SF3A3: variants seen among roughly 807,000 people sequenced by gnomAD.
SF3A3 encodes the protein SAP 61.
SF3A3 carries 9 observed loss-of-function variants against 85.8 expected under a neutral mutation model. The observed-to-expected ratio is 0.10, with a 90% CI of 0.06 to 0.18. The LOEUF (loss-of-function observed/expected upper bound fraction) is 0.18. SF3A3 is among the 10% of genes least tolerant of loss of function. SF3A3 has a pLI of 1.00. For synonymous variants in SF3A3, 195 were observed against 204.4 expected, an observed-to-expected ratio of 0.95 and a Z score of 0.39; for missense variants, 306 against 593.3, an observed-to-expected ratio of 0.52 and a Z score of 5.03.
chr1:37,977,600 A>C (rs1646387331), intron 11 of SF3A3, among the ~76,000 whole-genome samples: 1 of 152,112 alleles, frequency 6.6e-6, no homozygotes, highest in Admixed American at 6.6e-5. Context: ...CCACTGTGGG[A>C]GGCTGAGGCA....
At chr1:37,962,419 C>A (rs997486261) in intron 15 of SF3A3, among the ~76,000 whole-genome samples, 1 of 145,838 alleles carries the variant, frequency 6.9e-6, no homozygotes, top group African/African-American at 2.5e-5. Context: ...ACCTGACCAA[C>A]ATGGAGAAAC....
intron 9 of SF3A3, 33 bp downstream of exon 9, chr1:37,979,432 G>A: frequency 6.6e-7 from 1 of 1,520,022 alleles, no homozygotes; most frequent in Non-Finnish European, 9.1e-7. Context: ...AAAATAGACA[G>A]AGAGAACACT....
intron 6 of SF3A3, among the ~76,000 whole-genome samples, chr1:37,982,708 C>G (rs981450377): frequency 6.6e-6 from 1 of 152,040 alleles, no homozygotes; most frequent in Non-Finnish European, 1.5e-5. Context: ...TAAGAAAAGA[C>G]ATTAAATACC....
intron 12 of SF3A3, among the ~76,000 whole-genome samples, chr1:37,973,575 G>C (rs1033389078): frequency 8.5e-5 from 13 of 152,182 alleles, no homozygotes; most frequent in Admixed American, 2.0e-4. Context: ...AAAAAGTCAG[G>C]AAACAACAGG....
chr1:37,965,512 C>T (rs780807094), intron 15 of SF3A3, among the ~76,000 whole-genome samples: 1 of 151,858 alleles, frequency 6.6e-6, no homozygotes, highest in Non-Finnish European at 1.5e-5. Flanking sequence ...CCAGCACTTT[C>T]GGAGGCTGAG....
At chr1:37,962,838 C>T (rs1464716961) in intron 15 of SF3A3, among the ~76,000 whole-genome samples, 1 of 150,420 alleles carries the variant, frequency 6.6e-6, no homozygotes. Flanking sequence ...GTAATCCTAG[C>T]ACTTTGGGAA....
At position 37,957,995 on chromosome 1, in the gene SF3A3, T is replaced by G; in HGVS notation, c.*191A>C. 1.8e-6 allele frequency: 1 copy of G among 559,812 alleles called. No individual in the cohort carries two copies. The highest frequency in any genetic ancestry group is 3.2e-6 in the Non-Finnish European group (1 of 314,312). The allele number at this position is 559,812 out of a possible 1,614,324, so 34.7% of individuals were successfully genotyped here. A position where few individuals can be genotyped will look rare whatever the true frequency, so the allele number is the denominator to read the frequency against. On this transcript the variant is annotated 3_prime_UTR_variant, in exon 17 of 17. Coordinates refer to ENST00000373019, the MANE Select transcript of SF3A3 (RefSeq NM_006802.4). Reference sequence around the variant, plus strand: ...TGGTTTTATTTTCTGGCAGAATCTTTTAAAATATAAAACAGATAAAACACA... The same window carrying G: ...TGGTTTTATTTTCTGGCAGAATCTTGTAAAATATAAAACAGATAAAACACA...
At position 37,969,473 on chromosome 1, in the gene SF3A3, GA is replaced by G; in HGVS notation, c.1171-10del. The G allele has an allele frequency of 6.2e-7, 1 of 1,612,794 alleles. No individual in the cohort carries two copies. The highest frequency in any genetic ancestry group is 1.1e-5 in the South Asian group (1 of 91,054). ...AGCCAGTAGGGAATAGGCTAAAAAA[GA>G]AAAAAACAAAACAAAACCAAGAAGT... is the stretch of plus-strand genomic sequence containing the variant. On this transcript the variant is annotated splice_polypyrimidine_tract_variant and intron_variant, in intron 13 of 16. Coordinates refer to ENST00000373019, the MANE Select transcript of SF3A3 (RefSeq NM_006802.4).
At chr1:37,984,666 T>C in intron 5 of SF3A3, 41 bp downstream of exon 5, 2 of 1,296,544 alleles carry the variant, frequency 1.5e-6, no homozygotes, top group Non-Finnish European at 2.2e-6. Context: ...CATTAACCTG[T>C]ATTTTTGCTG....
chr1:37,987,610 T>A lies in SF3A3; in HGVS notation c.266A>T (p.Lys89Met), dbSNP rs777670809. The change falls in exon 4 of 17, where the codon AAG becomes ATG. Residue 89 changes from lysine (K) to methionine (M), a missense_variant. Coordinates refer to ENST00000373019, the MANE Select transcript of SF3A3 (RefSeq NM_006802.4). ...NEFAEFYNRL[K>M]QIKEFHRKHP... is the part of the protein sequence containing the mutation. Reference sequence around the variant, plus strand: ...CTTCCGGTGGAATTCCTTTATTTGCTTGAGTCTATTATAGAATTCAGCAAA... The same window carrying A: ...CTTCCGGTGGAATTCCTTTATTTGCATGAGTCTATTATAGAATTCAGCAAA... The A allele has an allele frequency of 6.2e-7, 1 of 1,614,016 alleles. No individual in the cohort carries two copies. The highest frequency in any genetic ancestry group is 1.3e-5 in the African/African-American group (1 of 74,942).
intron 15 of SF3A3, among the ~76,000 whole-genome samples, chr1:37,964,317 G>C (rs1646283741): frequency 1.3e-5 from 2 of 151,994 alleles, no homozygotes; most frequent in South Asian, 2.1e-4. Context: ...GTTGTGGAAA[G>C]AGGAAAGACT....
intron 16 of SF3A3, among the ~76,000 whole-genome samples, chr1:37,959,584 A>T (rs920132055): frequency 4.0e-5 from 6 of 150,212 alleles, no homozygotes; most frequent in Non-Finnish European, 8.9e-5. Flanking sequence ...AATTATTATT[A>T]TTATTATTTT....
chr1:37,964,801 G>C (rs1226820630), intron 15 of SF3A3, among the ~76,000 whole-genome samples: 4 of 152,188 alleles, frequency 2.6e-5, no homozygotes, highest in Non-Finnish European at 5.9e-5. Flanking sequence ...GTATTTTGCT[G>C]CTGTGTTTCT....
rs1464961924 is a variant in SF3A3 at position 37,989,870 on chromosome 1, C to T, written c.96G>A (p.Thr32=). The T allele has an allele frequency of 1.2e-6, 2 of 1,609,658 alleles. No homozygotes were observed. Among genetic ancestry groups the T allele is most frequent in the East Asian group, 2.2e-5 (1 of 44,850 alleles). ...CAGCCTCTGCTCAGGCCCCACTCAC[C>T]GTGGACTTCTTGGTGAGCATCTCTT... is the stretch of plus-strand genomic sequence containing the variant. The part of the protein sequence containing the change: ...MAKEMLTKKS[T]LRDQINSDHR... The change falls in exon 1 of 17, where the codon ACG becomes ACA. Residue 32 remains threonine, a splice_region_variant and synonymous_variant. Transcript: ENST00000373019.
At chr1:37,988,789 T>A (rs1646472230) in intron 2 of SF3A3, among the ~76,000 whole-genome samples, 1 of 151,990 alleles carries the variant, frequency 6.6e-6, no homozygotes, top group Admixed American at 6.6e-5. Flanking sequence ...ACCAGACAAA[T>A]GCAGTTTAGT....
Position 37,968,051 on chromosome 1 carries a change from A to G in SF3A3, c.1365T>C (p.Ala455=). ...TAAATAAATCTTACTTACAGGAGAC[A>G]GCATCTTCAATCTGTGTCACATTAG... ...HFANVTQIED[A]VSLWAKLKLQ... The change falls in exon 15 of 17, where the codon GCT becomes GCC. Residue 455 remains alanine, a synonymous_variant. Coordinates refer to ENST00000373019, the MANE Select transcript of SF3A3 (RefSeq NM_006802.4). The G allele has an allele frequency of 6.2e-7, 1 of 1,606,582 alleles. No individual in the cohort carries two copies. The highest frequency in any genetic ancestry group is 8.5e-7 in the Non-Finnish European group (1 of 1,173,116).
intron 2 of SF3A3, among the ~76,000 whole-genome samples, chr1:37,989,311 A>G (rs973198788): frequency 1.6e-5 from 2 of 127,946 alleles, no homozygotes; most frequent in Non-Finnish European, 3.1e-5. Context: ...GAAGAAGAAG[A>G]AAAAAAAAAA....
At chr1:37,968,947 T>G (rs908254331) in intron 14 of SF3A3, among the ~76,000 whole-genome samples, 15 of 152,214 alleles carry the variant, frequency 9.9e-5, no homozygotes, top group Non-Finnish European at 1.6e-4. Context: ...CCCTTCATTT[T>G]TTATTTTCTC....
chr1:37,990,011 G>C lies in SF3A3; in HGVS notation c.-46C>G, dbSNP rs753201905. 1.4e-6 allele frequency: 2 copies of C among 1,437,670 alleles called. No homozygotes were observed. The highest frequency in any genetic ancestry group is 1.9e-6 in the Non-Finnish European group (2 of 1,029,462). The allele number at this position is 1,437,670 out of a possible 1,614,324, so 89.1% of individuals were successfully genotyped here. A position where few individuals can be genotyped will look rare whatever the true frequency, so the allele number is the denominator to read the frequency against. On this transcript the variant is annotated 5_prime_UTR_variant, in exon 1 of 17. Transcript: ENST00000373019. ...TCAATTCAGACCACCAACACGGCCG[G>C]AAGCAACTCCTGCCGCCCAGCGCGC...
Sources: gnomAD v4.1 joint callset for allele counts (sites outside exome capture counted in the v4.1 genomes callset) on GRCh38, gnomAD v4.1.1 for gene constraint, MANE v1.5 for transcripts, NCBI Gene and HGNC (gene_info 2026-07-23, HGNC 2026-07-21) for gene names.